The following PDE4B variants were observed in gnomAD, a reference collection of about 807,000 sequenced individuals.
PDE4B encodes the protein phosphodiesterase 4B, also known as 3',5'-cyclic-AMP phosphodiesterase 4B.
A neutral mutation model predicts 82.2 loss-of-function variants in PDE4B; 20 were observed. The observed-to-expected ratio is 0.24, with a 90% CI of 0.17 to 0.35. The LOEUF is 0.35. PDE4B is among the 10% of genes least tolerant of loss of function. The pLI is 1.00. For synonymous variants in PDE4B, 320 were observed against 318.9 expected (o/e 1.00, Z -0.04); for missense variants, 655 against 907.2 (o/e 0.72, Z 3.57).
At position 66,361,714 on chromosome 1, in the gene PDE4B, T is replaced by C. The variant is rs756169936; in HGVS notation, c.941T>C (p.Leu314Ser). 6.2e-7 allele frequency: 1 copy of C among 1,613,610 alleles called. No individual in the cohort carries two copies. The highest frequency in any genetic ancestry group is 1.7e-5 in the Admixed American group (1 of 59,984). Residue 314 changes from leucine (L) to serine (S), a missense_variant, in exon 10 of 17, where the codon TTA (leucine) becomes TCA (serine). Leu to Ser is a moderately radical substitution (Grantham distance 145, BLOSUM62 -2). Transcript: ENST00000341517. ...LMTQISGVKKLMHSSSLNNTS... is the reference protein window; with the variant it reads ...LMTQISGVKKSMHSSSLNNTS... ...ACCCAGATAAGTGGAGTGAAGAAAT[T>C]AATGCATAGTTCAAGCCTAAACAAT...
chr1:66,357,309 C>T (rs1011132711), intron 9 of PDE4B, among the ~76,000 whole-genome samples: 7 of 152,056 alleles, frequency 4.6e-5, no homozygotes, highest in African/African-American at 9.7e-5. Flanking sequence ...TCAAGGACAA[C>T]GAGAATATCT....
At chr1:65,922,628 C>A (rs1230847497) in intron 3 of PDE4B, among the ~76,000 whole-genome samples, 1 of 152,158 alleles carries the variant, frequency 6.6e-6, no homozygotes, top group Non-Finnish European at 1.5e-5. Context: ...CCTACCCCTA[C>A]AAAACTTGTA....
At chr1:66,052,875 A>C (rs1655114655) in intron 3 of PDE4B, among the ~76,000 whole-genome samples, 1 of 147,370 alleles carries the variant, frequency 6.8e-6, no homozygotes, top group Non-Finnish European at 1.5e-5. Flanking sequence ...GCTGATGGGC[A>C]GCTTCTTCAT....
intron 3 of PDE4B, among the ~76,000 whole-genome samples, chr1:66,057,984 T>G (rs539162100): frequency 2.6e-4 from 39 of 152,354 alleles, no homozygotes; most frequent in African/African-American, 9.4e-4. Context: ...AAGTCTCATC[T>G]GAGACAAGGC....
chr1:66,045,060 C>T (rs763192688), intron 3 of PDE4B, among the ~76,000 whole-genome samples: 2 of 151,650 alleles, frequency 1.3e-5, no homozygotes, highest in Non-Finnish European at 3.0e-5. Context: ...CATTCTCATT[C>T]CAACTGCATG....
At chr1:66,084,978 T>C (rs1346630455) in intron 3 of PDE4B, among the ~76,000 whole-genome samples, 2 of 152,158 alleles carry the variant, frequency 1.3e-5, no homozygotes, top group East Asian at 3.9e-4. Flanking sequence ...TGGGATTAGC[T>C]TGATGGACTT....
At position 66,278,688 on chromosome 1, in the gene PDE4B, C is replaced by A. The variant is rs115985066; in HGVS notation, c.634+12601C>A. Among the ~76,000 whole-genome samples the A allele has an allele frequency of 3.8e-3, 577 of 152,326 alleles. 4 individuals carry two copies. The highest frequency in any genetic ancestry group is 0.013 in the African/African-American group (551 of 41,568). ...TGTAGTGAATAAACACTGGAAGAAG[C>A]TTTTCACATATTTGTAAGCTCGGAA... On this transcript the variant is annotated intron_variant, in intron 7 of 16. Coordinates refer to ENST00000341517, the MANE Select transcript of PDE4B (RefSeq NM_002600.4).
At chr1:65,925,128 A>G (rs1184971992) in intron 3 of PDE4B, among the ~76,000 whole-genome samples, 1 of 152,200 alleles carries the variant, frequency 6.6e-6, no homozygotes, top group Non-Finnish European at 1.5e-5. Context: ...TTTAGTAACT[A>G]AAGTTTTCAG....
chr1:66,049,231 GC>G (rs1654886333), intron 3 of PDE4B, among the ~76,000 whole-genome samples: 1 of 151,970 alleles, frequency 6.6e-6, no homozygotes, highest in Non-Finnish European at 1.5e-5. Flanking sequence ...TTGAGGTGCT[GC>G]TTTAAATAGC....
intron 3 of PDE4B, among the ~76,000 whole-genome samples, chr1:66,112,134 A>T (rs1276055475): frequency 6.6e-6 from 1 of 152,122 alleles, no homozygotes; most frequent in African/African-American, 2.4e-5. Context: ...GGAGGATTAT[A>T]AAAAAACTGT....
intron 3 of PDE4B, among the ~76,000 whole-genome samples, chr1:65,919,904 A>G (rs943789956): frequency 6.6e-6 from 1 of 152,228 alleles, no homozygotes; most frequent in African/African-American, 2.4e-5. Flanking sequence ...AGTTAATAGC[A>G]TCAAATATTT....
At chr1:66,095,382 C>T (rs1332216786) in intron 3 of PDE4B, among the ~76,000 whole-genome samples, 1 of 151,714 alleles carries the variant, frequency 6.6e-6, no homozygotes, top group African/African-American at 2.4e-5. Flanking sequence ...ATGTATGAGG[C>T]AATTGACATA....
At chr1:65,835,715 A>G (rs1331766625) in intron 1 of PDE4B, among the ~76,000 whole-genome samples, 1 of 152,188 alleles carries the variant, frequency 6.6e-6, no homozygotes, top group African/African-American at 2.4e-5. Context: ...GAGCTGGAGC[A>G]CTACAGGCAG....
intron 3 of PDE4B, among the ~76,000 whole-genome samples, chr1:66,131,185 T>C (rs116631422): frequency 0.011 from 1,664 of 152,248 alleles, 29 homozygotes; most frequent in African/African-American, 0.038. Context: ...AGTGGATATG[T>C]CCAAGTGTCC....
rs1248910361 is a variant in PDE4B at position 66,372,725 on chromosome 1, C to A, written c.*47C>A. Reference sequence around the variant, plus strand: ...GAACATTCTATCCTTGATGAGCATGCCAGCTATGTGGTAGGGCCAGCCCAC... The same window carrying A: ...GAACATTCTATCCTTGATGAGCATGACAGCTATGTGGTAGGGCCAGCCCAC... On this transcript the variant is annotated 3_prime_UTR_variant, in exon 17 of 17. Transcript: ENST00000341517. The A allele has an allele frequency of 2.6e-6, 4 of 1,567,230 alleles. No homozygotes were observed. In the South Asian group the frequency reaches 4.8e-5, roughly 19 times the overall value.
At chr1:66,122,058 T>A (rs1410838694) in intron 3 of PDE4B, among the ~76,000 whole-genome samples, 1 of 152,118 alleles carries the variant, frequency 6.6e-6, no homozygotes, top group Non-Finnish European at 1.5e-5. Flanking sequence ...CTCATCTTTA[T>A]AATAAAGCAG....
At chr1:65,792,722 G>T (rs1436762500), upstream of PDE4B, 2 of 151,980 alleles carry the variant, frequency 1.3e-5, no homozygotes, top group Non-Finnish European at 2.9e-5. Context: ...TTGACAGGTG[G>T]TGGCCTCAGC....
chr1:66,234,417 T>A (rs1209322681), intron 3 of PDE4B, among the ~76,000 whole-genome samples: 1 of 152,180 alleles, frequency 6.6e-6, no homozygotes, highest in Non-Finnish European at 1.5e-5. Context: ...GCCTCCCATG[T>A]AGCTGGGACT....
At position 66,119,294 on chromosome 1, in the gene PDE4B, G is replaced by A. The variant is rs1199690381; in HGVS notation, c.282-128166G>A. ...TGTATTCGGTGGTGTGTTTTCCACTGTGATTTTGGCCAGGGTGCAGCTGTA... is the reference window on the plus strand; with the variant it reads ...TGTATTCGGTGGTGTGTTTTCCACTATGATTTTGGCCAGGGTGCAGCTGTA... On this transcript the variant is annotated intron_variant, in intron 3 of 16. Coordinates refer to ENST00000341517, the MANE Select transcript of PDE4B (RefSeq NM_002600.4). Among the ~76,000 whole-genome samples, 8 of 152,282 alleles carry A rather than the reference G, an allele frequency of 5.3e-5. No individual in the cohort carries two copies. The East Asian group carries it at 1.5e-3, about 29-fold the overall frequency.
Sources: gnomAD v4.1 joint callset for allele counts (sites outside exome capture counted in the v4.1 genomes callset) on GRCh38, gnomAD v4.1.1 for gene constraint, MANE v1.5 for transcripts, NCBI Gene and HGNC (gene_info 2026-07-23, HGNC 2026-07-21) for gene names.